The following THSD7A variants were observed in gnomAD, a reference collection of about 807,000 sequenced individuals.
THSD7A encodes the protein thrombospondin type-1 domain-containing protein 7A.
THSD7A carries 96 observed loss-of-function variants against 231.3 expected under a neutral mutation model. The observed-to-expected ratio is 0.41, with a 90% CI of 0.35 to 0.49. The LOEUF (loss-of-function observed/expected upper bound fraction) is 0.49. Ranked by LOEUF, THSD7A falls within the 20% of genes least tolerant of loss-of-function variation. The pLI is 0.05. For synonymous variants in THSD7A, 940 were observed against 743.3 expected, an observed-to-expected ratio of 1.26 and a Z score of -4.30; for missense variants, 2,290 against 2,070.2, an observed-to-expected ratio of 1.11 and a Z score of -2.06.
chr7:11,482,003 A>G (rs751860417), intron 6 of THSD7A, 21 bp from the exon 7 acceptor site: 4 of 1,572,830 alleles, frequency 2.5e-6, no homozygotes, highest in Non-Finnish European at 3.5e-6. Flanking sequence ...CATGACCACC[A>G]ACAGCTATTA....
At chr7:11,435,996 A>AACTT (rs968065326) in intron 13 of THSD7A, among the ~76,000 whole-genome samples, 8 of 152,042 alleles carry the variant, frequency 5.3e-5, no homozygotes, top group Non-Finnish European at 8.8e-5. Context: ...AAAGAAAATA[A>AACTT]ACTTATATAT....
At chr7:11,792,923 TG>T (rs1413268620) in intron 1 of THSD7A, among the ~76,000 whole-genome samples, 2 of 151,990 alleles carry the variant, frequency 1.3e-5, no homozygotes. Context: ...GGGTGAGGTT[TG>T]CCCTGTGAGT....
At chr7:11,745,663 G>C (rs1256524751) in intron 1 of THSD7A, among the ~76,000 whole-genome samples, 1 of 151,996 alleles carries the variant, frequency 6.6e-6, no homozygotes, top group Non-Finnish European at 1.5e-5. Context: ...TTCTACATAT[G>C]GCCAGCCAGT....
rs1451635194 is a variant in THSD7A, at chr7:11,568,993, A to AAAAAAAC, written c.1453+21466_1453+21467insGTTTTTT. Among the ~76,000 whole-genome samples the AAAAAAAC allele has an allele frequency of 5.7e-3, 867 of 151,330 alleles. 14 individuals carry two copies. Among genetic ancestry groups the AAAAAAAC allele is most frequent in the African/African-American group, 0.02 (837 of 41,072 alleles). On this transcript the variant is annotated intron_variant, in intron 4 of 27. Coordinates refer to ENST00000423059, the MANE Select transcript of THSD7A (RefSeq NM_015204.3). ...TCCCGTTTACAATAGCTACAAAAAA[A>AAAAAAAC]AAAACAAACCCTACACTCCTATCTC... is the stretch of plus-strand genomic sequence containing the variant.
intron 1 of THSD7A, among the ~76,000 whole-genome samples, chr7:11,789,507 TAC>T (rs1783886404): frequency 1.3e-5 from 2 of 151,942 alleles, no homozygotes; most frequent in Non-Finnish European, 2.9e-5. Flanking sequence ...ACTTTAGAAG[TAC>T]ACTTATTTGA....
intron 27 of THSD7A, among the ~76,000 whole-genome samples, chr7:11,376,276 A>G (rs1267109229): frequency 6.6e-6 from 1 of 152,150 alleles, no homozygotes; most frequent in Admixed American, 6.6e-5. Context: ...TTCCTCCATT[A>G]GTAATTCAAT....
intron 23 of THSD7A, among the ~76,000 whole-genome samples, chr7:11,394,182 T>G (rs1783092339): frequency 1.3e-5 from 2 of 152,368 alleles, no homozygotes; most frequent in South Asian, 4.1e-4. Flanking sequence ...GCAGAAATCC[T>G]ACGAGCCAGA....
At chr7:11,716,268 T>C (rs1216259560) in intron 1 of THSD7A, among the ~76,000 whole-genome samples, 1 of 151,596 alleles carries the variant, frequency 6.6e-6, no homozygotes, top group Non-Finnish European at 1.5e-5. Flanking sequence ...CCATCTTGAA[T>C]GCCCCTGTGA....
At chr7:11,429,153 C>G (rs771513149) in intron 13 of THSD7A, 28 bp from the exon 14 acceptor site, 2 of 1,533,650 alleles carry the variant, frequency 1.3e-6, no homozygotes, top group Non-Finnish European at 1.7e-6. Flanking sequence ...AGACAAGAAT[C>G]ATCTCCTCCA....
chr7:11,512,966 A>G (rs1287337525), intron 6 of THSD7A, among the ~76,000 whole-genome samples: 1 of 60,226 alleles, frequency 1.7e-5, no homozygotes, highest in Non-Finnish European at 3.7e-5. Flanking sequence ...TATATGTAAA[A>G]TACTACTCAG....
intron 1 of THSD7A, among the ~76,000 whole-genome samples, chr7:11,776,288 A>G (rs1783403557): frequency 6.6e-6 from 1 of 152,166 alleles, no homozygotes; most frequent in South Asian, 2.1e-4. Flanking sequence ...TTCTTATCTC[A>G]CATAAGAAAT....
At chr7:11,688,561 A>T (rs1031720297) in intron 1 of THSD7A, among the ~76,000 whole-genome samples, 15 of 151,976 alleles carry the variant, frequency 9.9e-5, no homozygotes, top group Admixed American at 9.2e-4. Context: ...ACACAGAGTG[A>T]CCTTTCTGAG....
At chr7:11,588,053 T>C (rs1272137523) in intron 4 of THSD7A, among the ~76,000 whole-genome samples, 2 of 152,184 alleles carry the variant, frequency 1.3e-5, no homozygotes, top group Admixed American at 6.5e-5. Context: ...GGTTACACAG[T>C]CATGGATTCT....
At chr7:11,583,050 TTAAA>T (rs1319864466) in intron 4 of THSD7A, among the ~76,000 whole-genome samples, 3 of 152,126 alleles carry the variant, frequency 2.0e-5, no homozygotes, top group Admixed American at 6.5e-5. Flanking sequence ...ATTCTCAGTG[TTAAA>T]TATTCAATTA....
At chr7:11,487,844 T>C (rs1172058715) in intron 6 of THSD7A, among the ~76,000 whole-genome samples, 1 of 152,176 alleles carries the variant, frequency 6.6e-6, no homozygotes, top group Non-Finnish European at 1.5e-5. Flanking sequence ...TGGGGATTAT[T>C]ACAATTCAAG....
chr7:11,552,223 C>T (rs956018883), intron 4 of THSD7A, among the ~76,000 whole-genome samples: 1 of 151,884 alleles, frequency 6.6e-6, no homozygotes, highest in Non-Finnish European at 1.5e-5. Context: ...GTACTATGCT[C>T]ATTACCTGGG....
Position 11,636,051 on chromosome 7 carries a change from TTAGA to T in THSD7A, c.1022+75_1022+78del. 7.5e-7 allele frequency: 1 copy of T among 1,327,494 alleles called. No individual in the cohort carries two copies. The allele number at this position is 1,327,494 out of a possible 1,614,324, so 82.2% of individuals were successfully genotyped here. On this transcript the variant is annotated intron_variant, in intron 2 of 27. Transcript: ENST00000423059. The surrounding 1 kb of genome is among the most constrained non-coding windows in gnomAD (Gnocchi z 10.0). Reference sequence around the variant, plus strand: ...GTGCCCCTACGTAATCCAGAAGTTATTAGATAGTACCGGATATCTTAGGTACTCA... The same window carrying T: ...GTGCCCCTACGTAATCCAGAAGTTATTAGTACCGGATATCTTAGGTACTCA...
At chr7:11,806,888 T>G (rs1341465137) in intron 1 of THSD7A, among the ~76,000 whole-genome samples, 1 of 152,110 alleles carries the variant, frequency 6.6e-6, no homozygotes, top group African/African-American at 2.4e-5. Context: ...CTTTAGGTCT[T>G]TCTCTCCACT....
At chr7:11,508,819 G>C (rs1158738312) in intron 6 of THSD7A, among the ~76,000 whole-genome samples, 2 of 152,216 alleles carry the variant, frequency 1.3e-5, no homozygotes, top group African/African-American at 2.4e-5. Context: ...AAGACATTAT[G>C]CTAAGTGAAA....
Sources: allele counts gnomAD v4.1 joint callset (sites outside exome capture counted in the v4.1 genomes callset), GRCh38; gene constraint gnomAD v4.1.1; non-coding constraint Gnocchi (gnomAD v3.1); transcripts MANE v1.5; gene names NCBI Gene and HGNC (gene_info 2026-07-23, HGNC 2026-07-21).